CRIM1: variants seen among roughly 807,000 people sequenced by gnomAD.
CRIM1 encodes the protein cysteine-rich motor neuron 1 protein.
CRIM1 carries 32 observed loss-of-function variants against 116.4 expected under a neutral mutation model. That is an observed-to-expected ratio of 0.27 (90% confidence interval 0.21 to 0.37). The LOEUF (loss-of-function observed/expected upper bound fraction) is 0.37. Ranked by LOEUF, CRIM1 falls within the 10% of genes least tolerant of loss-of-function variation. The pLI is 1.00. For missense variants in CRIM1, 1,331 were observed against 1,354.8 expected (o/e 0.98, Z 0.28); for synonymous variants, 590 against 509.2 (o/e 1.16, Z -2.13).
At chr2:36,386,204 C>T (rs1038498104) in intron 1 of CRIM1, among the ~76,000 whole-genome samples, 1 of 152,178 alleles carries the variant, frequency 6.6e-6, no homozygotes, top group African/African-American at 2.4e-5. Context: ...CCTCAAGTCA[C>T]ATTCTGGCAA....
At chr2:36,427,397 C>T (rs927555736) in intron 2 of CRIM1, among the ~76,000 whole-genome samples, 4 of 152,074 alleles carry the variant, frequency 2.6e-5, no homozygotes, top group African/African-American at 9.7e-5. Context: ...TTAACTTCCC[C>T]TCATAAAACC....
intron 2 of CRIM1, among the ~76,000 whole-genome samples, chr2:36,413,325 C>T (rs1292424979): frequency 6.6e-6 from 1 of 152,162 alleles, no homozygotes; most frequent in East Asian, 1.9e-4. Context: ...AGTTAAAGGA[C>T]ATAGTCTCAT....
intron 1 of CRIM1, among the ~76,000 whole-genome samples, chr2:36,360,143 C>T (rs1230240274): frequency 6.6e-6 from 1 of 152,232 alleles, no homozygotes; most frequent in African/African-American, 2.4e-5. Context: ...AGAGCCATTT[C>T]TTCTCCCATG....
At chr2:36,380,108 C>T (rs3755220) in intron 1 of CRIM1, among the ~76,000 whole-genome samples, 32,843 of 151,934 alleles carry the variant, frequency 0.22, 3,756 homozygotes, top group East Asian at 0.38. Context: ...TCCCCAATCT[C>T]CCCAGCACTG....
intron 1 of CRIM1, among the ~76,000 whole-genome samples, chr2:36,371,558 C>G (rs867165216): frequency 6.6e-6 from 1 of 152,200 alleles, no homozygotes; most frequent in South Asian, 2.1e-4. Flanking sequence ...AGTGAGAAGC[C>G]ATAGCATTGC....
At position 36,362,597 on chromosome 2, in the gene CRIM1, C is replaced by A. The variant is rs569444877; in HGVS notation, c.331+5974C>A. ...CCTTTATCAGCACCTCTCAGCTTCACCCACCCTGCTGCTTGCCCTGGGCAG... is the reference window on the plus strand; with the variant it reads ...CCTTTATCAGCACCTCTCAGCTTCAACCACCCTGCTGCTTGCCCTGGGCAG... On this transcript the variant is annotated intron_variant, in intron 1 of 16. Transcript: ENST00000280527. 3.9e-5 allele frequency among the ~76,000 whole-genome samples: 6 copies of A among 152,300 alleles called. No homozygotes were observed. In the South Asian group the frequency reaches 1.0e-3, roughly 26 times the overall value.
intron 4 of CRIM1, among the ~76,000 whole-genome samples, chr2:36,453,662 A>G (rs1050656276): frequency 1.3e-5 from 2 of 152,264 alleles, no homozygotes; most frequent in African/African-American, 4.8e-5. Context: ...GGAATAAAAT[A>G]TAGTCGCTGA....
At chr2:36,379,506 C>A (rs764167129) in intron 1 of CRIM1, among the ~76,000 whole-genome samples, 2 of 152,174 alleles carry the variant, frequency 1.3e-5, no homozygotes, top group South Asian at 2.1e-4. Flanking sequence ...AACAGTGCGG[C>A]CTTCCCAAAG....
Position 36,367,455 on chromosome 2 carries a change from A to G in CRIM1, c.331+10832A>G, listed in dbSNP as rs1669674546. Among the ~76,000 whole-genome samples, 7 of 152,230 alleles carry G rather than the reference A, an allele frequency of 4.6e-5. No homozygotes were observed. The South Asian group carries it at 1.2e-3, about 27-fold the overall frequency. On this transcript the variant is annotated intron_variant, in intron 1 of 16. Coordinates refer to ENST00000280527, the MANE Select transcript of CRIM1 (RefSeq NM_016441.3). ...TCATCTCTTAATAGCCCAGTGACTT[A>G]AATAAAACCCTTCAACTTCCCTTGG...
At chr2:36,363,529 GCC>G (rs59203042) in intron 1 of CRIM1, among the ~76,000 whole-genome samples, 1,269 of 77,834 alleles carry the variant, frequency 0.016, 59 homozygotes, top group Middle Eastern at 0.074. Context: ...AGTCGTCGCC[GCC>G]CCCCCCCCCC....
chr2:36,512,268 C>T lies in CRIM1; in HGVS notation c.1659-5C>T. On this transcript the variant is annotated splice_region_variant and splice_polypyrimidine_tract_variant and intron_variant, in intron 9 of 16. Coordinates refer to ENST00000280527, the MANE Select transcript of CRIM1 (RefSeq NM_016441.3). ...CTGACCTCTGACAAAATTTTAATTA[C>T]CCAGGAAGAATAAGCACGGCTGTGA... 2 of 1,611,310 alleles carry T rather than the reference C, an allele frequency of 1.2e-6. No individual in the cohort carries two copies. The highest frequency in any genetic ancestry group is 1.7e-6 in the Non-Finnish European group (2 of 1,177,648).
intron 2 of CRIM1, among the ~76,000 whole-genome samples, chr2:36,411,039 G>T (rs1673164286): frequency 6.6e-6 from 1 of 152,068 alleles, no homozygotes; most frequent in Non-Finnish European, 1.5e-5. Flanking sequence ...GTTCTAAACT[G>T]CCTAAATAAA....
At chr2:36,359,678 G>A (rs1452835751) in intron 1 of CRIM1, among the ~76,000 whole-genome samples, 1 of 152,120 alleles carries the variant, frequency 6.6e-6, no homozygotes, top group African/African-American at 2.4e-5. Flanking sequence ...TGTGCACTTG[G>A]ATTTCTTTTC....
At chr2:36,373,437 G>C (rs2148312174) in intron 1 of CRIM1, among the ~76,000 whole-genome samples, 1 of 152,346 alleles carries the variant, frequency 6.6e-6, no homozygotes, top group South Asian at 2.1e-4. Context: ...CTTAACCTGA[G>C]TCCTGACAAG....
intron 1 of CRIM1, among the ~76,000 whole-genome samples, chr2:36,373,818 A>C (rs1670110889): frequency 6.6e-6 from 1 of 152,190 alleles, no homozygotes; most frequent in African/African-American, 2.4e-5. Context: ...AAAATTGCTC[A>C]CAGGGTCATG....
At chr2:36,380,175 C>T (rs867161072) in intron 1 of CRIM1, among the ~76,000 whole-genome samples, 5 of 152,236 alleles carry the variant, frequency 3.3e-5, no homozygotes, top group Non-Finnish European at 4.4e-5. Context: ...CTCCTGTCCT[C>T]AGAGTGCCAG....
Position 36,476,898 on chromosome 2 carries a change from C to T in CRIM1, c.1001C>T (p.Pro334Leu). 1 of 1,610,936 alleles carries T rather than the reference C, an allele frequency of 6.2e-7. No individual in the cohort carries two copies. The highest frequency in any genetic ancestry group is 1.1e-5 in the South Asian group (1 of 90,496). Residue 334 changes from proline (P) to leucine (L), a missense_variant, in exon 6 of 17, where the codon CCA becomes CTA. Coordinates refer to ENST00000280527, the MANE Select transcript of CRIM1 (RefSeq NM_016441.3). ...DVFECVNDTK[P>L]ACVFNNVEYY... ...TTTTAACTCTTTTCAGATACAAAGC[C>T]AGCCTGCGTATTTAACAATGTGGAA...
chr2:36,385,929 T>A (rs1346002660), intron 1 of CRIM1, among the ~76,000 whole-genome samples: 1 of 152,172 alleles, frequency 6.6e-6, no homozygotes, highest in African/African-American at 2.4e-5. Context: ...TCTCAGGGGG[T>A]GAAATGTGCT....
chr2:36,356,354 T>C lies in CRIM1; in HGVS notation c.62T>C (p.Leu21Pro). The C allele has an allele frequency of 1.3e-6, 2 of 1,593,456 alleles. No homozygotes were observed. Among genetic ancestry groups the C allele is most frequent in the Non-Finnish European group, 1.7e-6 (2 of 1,172,502 alleles). The part of the protein sequence containing the change: ...AGCGHLLVSL[L>P]GLLLLLARSG... ...TGCGGGCACCTCCTGGTCTCGCTGC[T>C]GGGGCTGCTGCTGCTGCTGGCGCGC... is the stretch of plus-strand genomic sequence containing the variant. The change falls in exon 1 of 17, where the codon CTG (leucine) becomes CCG (proline). Residue 21 changes from leucine (L) to proline (P), a missense_variant. Around this residue, in one of 3 missense-constraint regions of CRIM1, gnomAD observed 690 missense variants for 676.0 expected, o/e 1.02. Transcript: ENST00000280527. The surrounding 1 kb of genome is among the most constrained non-coding windows in gnomAD (Gnocchi z 4.3).
Sources: allele counts gnomAD v4.1 joint callset (sites outside exome capture counted in the v4.1 genomes callset), GRCh38; gene constraint gnomAD v4.1.1; regional missense constraint gnomAD v4.1.1; non-coding constraint Gnocchi (gnomAD v3.1); transcripts MANE v1.5; gene names NCBI Gene and HGNC (gene_info 2026-07-23, HGNC 2026-07-21).